The following CTNNA2 variants were observed in gnomAD, a reference collection of about 807,000 sequenced individuals.
The protein encoded by CTNNA2 is catenin alpha-2.
A neutral mutation model predicts 101.0 loss-of-function variants in CTNNA2; 42 were observed. The observed-to-expected ratio is 0.42, with a 90% CI of 0.32 to 0.54. CTNNA2 has a LOEUF of 0.54. Ranked by LOEUF, CTNNA2 falls within the 20% of genes least tolerant of loss-of-function variation. The probability of loss-of-function intolerance (pLI) is 0.14; values close to 1 mark genes in which losing one functional copy is unlikely to be tolerated. For synonymous variants in CTNNA2, 450 were observed against 456.4 expected, an observed-to-expected ratio of 0.99 and a Z score of 0.18; for missense variants, 871 against 1,223.1, an observed-to-expected ratio of 0.71 and a Z score of 4.29.
chr2:79,872,758 C>A (rs1373553609), intron 5 of CTNNA2, among the ~76,000 whole-genome samples: 1 of 152,090 alleles, frequency 6.6e-6, no homozygotes, highest in Admixed American at 6.6e-5. Context: ...TTCTTGTTAC[C>A]AGGTCATTCA....
chr2:79,498,684 A>G (rs1041326645), intron 4 of CTNNA2, among the ~76,000 whole-genome samples: 2 of 152,158 alleles, frequency 1.3e-5, no homozygotes, highest in African/African-American at 2.4e-5. Flanking sequence ...GGCATGGCTA[A>G]CTACTTCATC....
At chr2:79,409,818 T>A (rs1678387355) in intron 4 of CTNNA2, among the ~76,000 whole-genome samples, 1 of 79,050 alleles carries the variant, frequency 1.3e-5, no homozygotes, top group South Asian at 6.0e-4. Flanking sequence ...TTAAAGTAGT[T>A]TTTTTCCAAT....
At chr2:80,226,372 CA>C (rs1224586497) in intron 7 of CTNNA2, among the ~76,000 whole-genome samples, 2 of 152,178 alleles carry the variant, frequency 1.3e-5, no homozygotes, top group Non-Finnish European at 2.9e-5. Context: ...AGAGTGTTAC[CA>C]GAGGTTCAAG....
At chr2:80,104,120 C>G (rs976257124) in intron 7 of CTNNA2, among the ~76,000 whole-genome samples, 2 of 152,192 alleles carry the variant, frequency 1.3e-5, no homozygotes, top group Non-Finnish European at 2.9e-5. Flanking sequence ...GATTGCCAAT[C>G]TCTCAGGCAT....
chr2:80,470,916 C>T (rs1685249157), intron 9 of CTNNA2, among the ~76,000 whole-genome samples: 1 of 152,092 alleles, frequency 6.6e-6, no homozygotes. Flanking sequence ...AAGCAAGTGA[C>T]ATTTAAGCAA....
At chr2:79,310,141 GC>G (rs753619557) in intron 2 of CTNNA2, among the ~76,000 whole-genome samples, 2 of 152,034 alleles carry the variant, frequency 1.3e-5, no homozygotes, top group Non-Finnish European at 1.5e-5. Context: ...CATAATATAT[GC>G]AAATTACAGG....
chr2:80,458,863 A>T (rs971248300), intron 9 of CTNNA2, among the ~76,000 whole-genome samples: 1 of 152,210 alleles, frequency 6.6e-6, no homozygotes, highest in Non-Finnish European at 1.5e-5. Context: ...ATGTATAGTC[A>T]TGGGCTACAT....
intron 8 of CTNNA2, among the ~76,000 whole-genome samples, chr2:80,398,581 A>G (rs72813679): frequency 0.031 from 4,703 of 151,900 alleles, 162 homozygotes; most frequent in East Asian, 0.13. Context: ...GAGGCTGGGC[A>G]TGGTGGCTCA....
At chr2:79,941,099 A>G (rs2104456398) in intron 7 of CTNNA2, among the ~76,000 whole-genome samples, 1 of 152,286 alleles carries the variant, frequency 6.6e-6, no homozygotes, top group East Asian at 1.9e-4. Flanking sequence ...GGTCCAGCTT[A>G]TGTGGATTCT....
chr2:80,632,562 A>C (rs1287880701), intron 18 of CTNNA2, among the ~76,000 whole-genome samples: 2 of 152,152 alleles, frequency 1.3e-5, no homozygotes, highest in African/African-American at 2.4e-5. Context: ...AACTGGAAAA[A>C]AATAAGATCG....
At chr2:80,170,231 CTG>C (rs367680219) in intron 7 of CTNNA2, among the ~76,000 whole-genome samples, 4,602 of 146,474 alleles carry the variant, frequency 0.031, 159 homozygotes, top group African/African-American at 0.089. Flanking sequence ...CTCTCTCTCT[CTG>C]TGTGTGTGTG....
chr2:79,345,642 A>G (rs1677244662), intron 3 of CTNNA2, among the ~76,000 whole-genome samples: 1 of 152,162 alleles, frequency 6.6e-6, no homozygotes, highest in African/African-American at 2.4e-5. Context: ...TAGAGAAGGC[A>G]AAGGGAGTAA....
At chr2:79,968,144 T>C (rs1473661382) in intron 7 of CTNNA2, among the ~76,000 whole-genome samples, 1 of 152,030 alleles carries the variant, frequency 6.6e-6, no homozygotes, top group African/African-American at 2.4e-5. Context: ...TGCACAAAAT[T>C]GTGAGTGTAC....
At chr2:79,783,023 TTGTCAGCAATTG>T (rs1430332177) in intron 3 of CTNNA2, among the ~76,000 whole-genome samples, 1 of 151,822 alleles carries the variant, frequency 6.6e-6, no homozygotes, top group South Asian at 2.1e-4. Flanking sequence ...ATTCCCCTAA[TTGTCAGCAATTG>T]TGCTTAGTAA....
chr2:80,187,619 TTGAAC>T (rs1404003653), intron 7 of CTNNA2, among the ~76,000 whole-genome samples: 1 of 152,132 alleles, frequency 6.6e-6, no homozygotes, highest in Non-Finnish European at 1.5e-5. Flanking sequence ...TGGGCTACCA[TTGAAC>T]TTTACAAGGC....
At chr2:79,218,538 C>A (rs761912466) in intron 2 of CTNNA2, among the ~76,000 whole-genome samples, 1 of 152,054 alleles carries the variant, frequency 6.6e-6, no homozygotes, top group Non-Finnish European at 1.5e-5. Context: ...TAAGGAGTAG[C>A]AGTAGGGACT....
chr2:80,051,620 G>T (rs761147738), intron 7 of CTNNA2, among the ~76,000 whole-genome samples: 7 of 152,098 alleles, frequency 4.6e-5, no homozygotes, highest in African/African-American at 1.7e-4. Flanking sequence ...TTGAAAAACA[G>T]CAACAATGAA....
chr2:79,383,367 A>G (rs1678061015), intron 4 of CTNNA2, among the ~76,000 whole-genome samples: 1 of 152,176 alleles, frequency 6.6e-6, no homozygotes, highest in Admixed American at 6.5e-5. Context: ...TAGAGTATGG[A>G]ATGGACCTTG....
chr2:79,756,456 A>T (rs1672405575), intron 3 of CTNNA2, among the ~76,000 whole-genome samples: 1 of 152,198 alleles, frequency 6.6e-6, no homozygotes, highest in Admixed American at 6.5e-5. Flanking sequence ...AGAATATTAC[A>T]TTTTGAGATG....
Sources: allele counts gnomAD v4.1 joint callset (sites outside exome capture counted in the v4.1 genomes callset), GRCh38; gene constraint gnomAD v4.1.1; transcripts MANE v1.5; gene names NCBI Gene and HGNC (gene_info 2026-07-23, HGNC 2026-07-21).